The following FGF14 variants were observed in gnomAD, a reference collection of about 807,000 sequenced individuals.
FGF14 encodes fibroblast growth factor homologous factor 4.
Under a neutral mutation model 25.5 loss-of-function variants are expected in FGF14, and 5 were observed. That is an observed-to-expected ratio of 0.20 (90% confidence interval 0.10 to 0.41). The LOEUF (loss-of-function observed/expected upper bound fraction) is 0.41. Among genes scored for constraint, FGF14 ranks in the 10% least tolerant of loss-of-function variants. The pLI, the probability that FGF14 is intolerant of heterozygous loss-of-function variation, is 1.00. For missense variants in FGF14, 222 were observed against 320.1 expected (o/e 0.69, Z 2.34); for synonymous variants, 138 against 118.3 (o/e 1.17, Z -1.08).
intron 1 of FGF14, among the ~76,000 whole-genome samples, chr13:102,227,865 C>T (rs1344695254): frequency 1.3e-5 from 2 of 152,048 alleles, no homozygotes; most frequent in East Asian, 3.9e-4. Context: ...TACCATCTGG[C>T]GTCTTGTCTG....
chr13:102,024,151 C>T (rs991184601), intron 1 of FGF14, among the ~76,000 whole-genome samples: 8 of 151,962 alleles, frequency 5.3e-5, no homozygotes, highest in Non-Finnish European at 1.0e-4. Context: ...AAAAATTTTC[C>T]TAGAAATAAA....
At chr13:101,797,743 G>GTT in intron 3 of FGF14, among the ~76,000 whole-genome samples, 1 of 144,356 alleles carries the variant, frequency 6.9e-6, no homozygotes, top group Non-Finnish European at 1.5e-5. Context: ...TGATGTGTGT[G>GTT]TGTGTGTGTG....
chr13:102,192,715 G>A (rs1354471003), intron 1 of FGF14, among the ~76,000 whole-genome samples: 1 of 152,014 alleles, frequency 6.6e-6, no homozygotes, highest in Non-Finnish European at 1.5e-5. Flanking sequence ...CAAAACACTA[G>A]AACATGGTTA....
At chr13:101,981,998 G>A (rs192867997) in intron 1 of FGF14, among the ~76,000 whole-genome samples, 179 of 152,236 alleles carry the variant, frequency 1.2e-3, no homozygotes, top group African/African-American at 4.2e-3. Context: ...AAATGATGTA[G>A]CCTAGTTAAT....
chr13:102,003,768 A>G (rs546681278), intron 1 of FGF14, among the ~76,000 whole-genome samples: 24 of 151,596 alleles, frequency 1.6e-4, no homozygotes, highest in African/African-American at 5.6e-4. Flanking sequence ...TTCCTTTGAC[A>G]GCTTTCTTCT....
At chr13:101,926,617 G>C (rs2034383888) in intron 1 of FGF14, among the ~76,000 whole-genome samples, 1 of 152,164 alleles carries the variant, frequency 6.6e-6, no homozygotes, top group Admixed American at 6.5e-5. Context: ...TTAATTTCTT[G>C]AGTTTATAAC....
intron 1 of FGF14, among the ~76,000 whole-genome samples, chr13:102,295,940 A>T (rs941984547): frequency 1.3e-5 from 2 of 152,194 alleles, no homozygotes; most frequent in African/African-American, 4.8e-5. Context: ...AATGGAGTTG[A>T]AAAATAAAGT....
chr13:102,352,311 T>C (rs371638516), intron 1 of FGF14, among the ~76,000 whole-genome samples: 2 of 147,988 alleles, frequency 1.4e-5, no homozygotes, highest in South Asian at 2.1e-4. Context: ...CATTTGAAAA[T>C]TGAAATACCT....
intron 1 of FGF14, chr13:102,292,636 T>C (rs1183438015): frequency 6.6e-6 from 1 of 152,140 alleles, no homozygotes; most frequent in Non-Finnish European, 1.5e-5. Context: ...ACGTTATATA[T>C]CAAACAAAAG....
intron 1 of FGF14, among the ~76,000 whole-genome samples, chr13:101,881,221 TAAA>T (rs1486391594): frequency 1.2e-4 from 19 of 152,280 alleles, no homozygotes; most frequent in Non-Finnish European, 7.4e-5. Flanking sequence ...CCAGTGTATA[TAAA>T]CTACAGAAGG....
At chr13:102,198,419 C>T (rs1003277407) in intron 1 of FGF14, among the ~76,000 whole-genome samples, 6 of 152,122 alleles carry the variant, frequency 3.9e-5, no homozygotes, top group African/African-American at 1.4e-4. Flanking sequence ...GATGACCTAG[C>T]CACTGAGTGA....
intron 1 of FGF14, among the ~76,000 whole-genome samples, chr13:101,964,476 G>A (rs1324115994): frequency 6.6e-6 from 1 of 152,148 alleles, no homozygotes; most frequent in East Asian, 1.9e-4. Flanking sequence ...AAGGGCTGAG[G>A]ACTTCAATCC....
intron 1 of FGF14, among the ~76,000 whole-genome samples, chr13:102,058,343 C>T (rs1188567052): frequency 6.6e-6 from 1 of 152,198 alleles, no homozygotes; most frequent in Non-Finnish European, 1.5e-5. Flanking sequence ...ACAAAGAAGG[C>T]ATCTAGTTTG....
intron 1 of FGF14, among the ~76,000 whole-genome samples, chr13:101,974,390 C>A (rs956373055): frequency 4.6e-5 from 7 of 152,176 alleles, no homozygotes; most frequent in African/African-American, 1.7e-4. Flanking sequence ...CATAACTATG[C>A]AGCAAGCCTC....
At chr13:102,283,647 A>G (rs907302430) in intron 1 of FGF14, among the ~76,000 whole-genome samples, 1 of 152,272 alleles carries the variant, frequency 6.6e-6, no homozygotes. Context: ...AAAGATTTAC[A>G]GTAAACAATT....
chr13:102,386,209 G>A (rs1425658350), intron 1 of FGF14, among the ~76,000 whole-genome samples: 1 of 148,782 alleles, frequency 6.7e-6, no homozygotes, highest in African/African-American at 2.5e-5. Flanking sequence ...CTCAGCTCAC[G>A]GCAACCTCTG....
At chr13:101,826,733 C>G (rs1366399107) in intron 3 of FGF14, among the ~76,000 whole-genome samples, 1 of 151,944 alleles carries the variant, frequency 6.6e-6, no homozygotes, top group Admixed American at 6.6e-5. Context: ...TTAAATTACT[C>G]TAAATTTAGC....
At chr13:102,029,229 T>C (rs920515117) in intron 1 of FGF14, among the ~76,000 whole-genome samples, 1 of 152,076 alleles carries the variant, frequency 6.6e-6, no homozygotes, top group African/African-American at 2.4e-5. Flanking sequence ...GCAGACGTTC[T>C]TATGTTTTAA....
intron 1 of FGF14, among the ~76,000 whole-genome samples, chr13:102,209,469 A>G (rs1400218215): frequency 2.6e-5 from 4 of 152,212 alleles, no homozygotes; most frequent in African/African-American, 9.7e-5. Flanking sequence ...AAGAAAGAAG[A>G]TTTGTTCCAG....
Sources: allele counts gnomAD v4.1 joint callset (sites outside exome capture counted in the v4.1 genomes callset), GRCh38; gene constraint gnomAD v4.1.1; transcripts MANE v1.5; gene names NCBI Gene and HGNC (gene_info 2026-07-23, HGNC 2026-07-21).